The following HYCC1 variants were observed in gnomAD, a reference collection of about 807,000 sequenced individuals.
The protein encoded by HYCC1 is hyccin.
At chr7:22,932,419 G>C in the HYCC1 span, among the ~76,000 whole-genome samples, 1 of 152,112 alleles carries the variant, frequency 6.6e-6, no homozygotes, top group Admixed American at 6.6e-5. Flanking sequence ...AATCTTAATG[G>C]AATCAGGAAA....
the HYCC1 span, chr7:22,991,040 T>G: frequency 6.6e-7 from 1 of 1,520,390 alleles, no homozygotes; most frequent in Admixed American, 1.7e-5. Context: ...ATAATTACTA[T>G]AGTAGAACAG....
At chr7:22,984,543 G>C in the HYCC1 span, among the ~76,000 whole-genome samples, 1 of 152,008 alleles carries the variant, frequency 6.6e-6, no homozygotes, top group Non-Finnish European at 1.5e-5. Flanking sequence ...AATATAGTGA[G>C]ACCTCGTCTC....
At chr7:22,896,437 C>T in the HYCC1 span, among the ~76,000 whole-genome samples, 1 of 152,184 alleles carries the variant, frequency 6.6e-6, no homozygotes, top group Non-Finnish European at 1.5e-5. Context: ...CACAGTTCTG[C>T]AGTTGCATGA....
At chr7:22,984,237 A>G in the HYCC1 span, among the ~76,000 whole-genome samples, 2 of 152,210 alleles carry the variant, frequency 1.3e-5, no homozygotes, top group Non-Finnish European at 2.9e-5. Context: ...CATTGGTTGT[A>G]CAACACTGTG....
chr7:22,970,252 C>T, the HYCC1 span, among the ~76,000 whole-genome samples: 1 of 138,976 alleles, frequency 7.2e-6, no homozygotes, highest in East Asian at 1.9e-4. Flanking sequence ...TGTTTTATAA[C>T]TAGGAAAACT....
the HYCC1 span, chr7:22,976,707 C>T: frequency 3.7e-6 from 6 of 1,605,302 alleles, no homozygotes; most frequent in Admixed American, 5.0e-5. Flanking sequence ...TCTGTGCTGT[C>T]AGCATCTCCC....
the HYCC1 span, among the ~76,000 whole-genome samples, chr7:22,914,940 A>T: frequency 9.2e-5 from 14 of 152,206 alleles, no homozygotes; most frequent in Non-Finnish European, 1.8e-4. Context: ...ATTTCCTCTT[A>T]AAGAGGTGGC....
the HYCC1 span, among the ~76,000 whole-genome samples, chr7:22,903,882 C>T: frequency 1.3e-5 from 2 of 152,066 alleles, no homozygotes; most frequent in African/African-American, 4.8e-5. Context: ...AAGGAATAAG[C>T]ACTAGGAATC....
At chr7:22,946,313 A>G in the HYCC1 span, 2 of 666,030 alleles carry the variant, frequency 3.0e-6, no homozygotes. Context: ...AGGATAAATC[A>G]AAACATTTAT....
At chr7:23,009,287 AG>A in the HYCC1 span, among the ~76,000 whole-genome samples, 1 of 152,176 alleles carries the variant, frequency 6.6e-6, no homozygotes, top group African/African-American at 2.4e-5. Context: ...TTAGTAATTA[AG>A]AAACTATAGA....
the HYCC1 span, among the ~76,000 whole-genome samples, chr7:22,905,507 T>G: frequency 6.7e-6 from 1 of 150,284 alleles, no homozygotes; most frequent in Admixed American, 6.7e-5. Flanking sequence ...AGTGTTGAGA[T>G]TACAGGCATG....
the HYCC1 span, among the ~76,000 whole-genome samples, chr7:22,972,232 T>C: frequency 6.6e-6 from 1 of 151,886 alleles, no homozygotes; most frequent in Non-Finnish European, 1.5e-5. Flanking sequence ...ATTTTATTAG[T>C]CAGGAGCAAA....
At chr7:22,991,201 T>C in the HYCC1 span, 5 of 1,066,074 alleles carry the variant, frequency 4.7e-6, no homozygotes, top group East Asian at 1.2e-4. Flanking sequence ...CAGATTACTA[T>C]GAACAGAGAT....
chr7:22,984,071 T>TCATAAAAGTAAAATGTA, the HYCC1 span: 1 of 1,395,030 alleles, frequency 7.2e-7, no homozygotes, highest in Non-Finnish European at 1.0e-6. Context: ...AAAATACATT[T>TCATAAAAGTAAAATGTA]TACTTTTATG....
the HYCC1 span, among the ~76,000 whole-genome samples, chr7:23,002,164 A>ATATATATATACAAT: frequency 2.7e-4 from 7 of 26,138 alleles, no homozygotes; most frequent in African/African-American, 6.9e-4. Flanking sequence ...ATATATATAT[A>ATATATATATACAAT]TATATATATA....
chr7:22,898,575 ATTTCTTTTCT>A, the HYCC1 span, among the ~76,000 whole-genome samples: 353 of 132,228 alleles, frequency 2.7e-3, 2 homozygotes, highest in Non-Finnish European at 3.9e-3. Flanking sequence ...TGGTCCAAAT[ATTTCTTTTCT>A]TTTCTTTTCT....
At chr7:22,951,623 G>A in the HYCC1 span, among the ~76,000 whole-genome samples, 3 of 151,672 alleles carry the variant, frequency 2.0e-5, no homozygotes, top group Non-Finnish European at 4.4e-5. Flanking sequence ...AATATATTCT[G>A]TTCAATGGAG....
chr7:22,976,821 C>T, the HYCC1 span: 1 of 1,495,270 alleles, frequency 6.7e-7, no homozygotes, highest in African/African-American at 1.4e-5. Context: ...AGAGAAAAGA[C>T]ATTTGAATAA....
the HYCC1 span, among the ~76,000 whole-genome samples, chr7:22,916,738 T>C: frequency 2.6e-5 from 4 of 152,186 alleles, no homozygotes; most frequent in African/African-American, 9.7e-5. Flanking sequence ...TAATTGCCAC[T>C]CACCAGCAAA....
Sources: allele counts gnomAD v4.1 joint callset (sites outside exome capture counted in the v4.1 genomes callset), GRCh38; gene constraint gnomAD v4.1.1; transcripts MANE v1.5; gene names NCBI Gene and HGNC (gene_info 2026-07-23, HGNC 2026-07-21).